STK17A: variants seen among roughly 807,000 people sequenced by gnomAD.
STK17A encodes the protein serine/threonine kinase 17a, also known as serine/threonine-protein kinase 17A.
STK17A carries 26 observed loss-of-function variants against 43.7 expected under a neutral mutation model. That is an observed-to-expected ratio of 0.60 (90% CI 0.44 to 0.83). The LOEUF is 0.83. STK17A is among the 40% of genes least tolerant of loss of function. STK17A has a pLI of 0.00. For synonymous variants in STK17A, 191 were observed against 182.5 expected (o/e 1.05, Z -0.38); for missense variants, 476 against 511.6 (o/e 0.93, Z 0.67).
intron 1 of STK17A, among the ~76,000 whole-genome samples, chr7:43,592,576 A>G (rs2082486998): frequency 2.6e-5 from 4 of 151,870 alleles, no homozygotes; most frequent in Non-Finnish European, 4.4e-5. Flanking sequence ...CAGGCCAGGC[A>G]TGGTGGCTCA....
intron 2 of STK17A, among the ~76,000 whole-genome samples, chr7:43,604,316 C>G (rs1351221687): frequency 6.6e-6 from 1 of 152,074 alleles, no homozygotes; most frequent in Non-Finnish European, 1.5e-5. Flanking sequence ...TACTGTGCTC[C>G]TTTACTCTGC....
chr7:43,616,512 C>T (rs2083359734), intron 3 of STK17A, among the ~76,000 whole-genome samples: 2 of 152,134 alleles, frequency 1.3e-5, no homozygotes, highest in African/African-American at 4.8e-5. Flanking sequence ...TCTTCCCGTT[C>T]TCTGAATTCA....
intron 2 of STK17A, among the ~76,000 whole-genome samples, chr7:43,596,988 A>G (rs1003723843): frequency 6.6e-6 from 1 of 152,130 alleles, no homozygotes; most frequent in Non-Finnish European, 1.5e-5. Flanking sequence ...CATAACAAAG[A>G]CCCTGTCTCT....
intron 1 of STK17A, 36 bp downstream of exon 1, chr7:43,583,485 G>T (rs1245095827): frequency 1.6e-6 from 2 of 1,265,214 alleles, no homozygotes; most frequent in South Asian, 2.9e-5. Flanking sequence ...GAACCTTCCC[G>T]GACGCGCGGG....
intron 3 of STK17A, among the ~76,000 whole-genome samples, chr7:43,613,478 G>A (rs779232890): frequency 1.3e-5 from 2 of 152,094 alleles, no homozygotes; most frequent in Admixed American, 6.5e-5. Context: ...AATCCCCACT[G>A]ATACCATGGG....
At chr7:43,621,013 A>T (rs1379046878) in intron 4 of STK17A, among the ~76,000 whole-genome samples, 2 of 152,200 alleles carry the variant, frequency 1.3e-5, no homozygotes, top group Non-Finnish European at 2.9e-5. Context: ...AGAAGAGGGT[A>T]AAAGGAGTGT....
chr7:43,612,110 T>C (rs1260048211), intron 3 of STK17A, among the ~76,000 whole-genome samples: 1 of 152,266 alleles, frequency 6.6e-6, no homozygotes, highest in Non-Finnish European at 1.5e-5. Flanking sequence ...TGGTTTAGAA[T>C]TCTTTCCAGA....
At chr7:43,596,257 T>A in intron 2 of STK17A, 144 bp downstream of exon 2, 1 of 639,798 alleles carries the variant, frequency 1.6e-6, no homozygotes, top group Non-Finnish European at 2.4e-6. Flanking sequence ...TTCCTCTTAT[T>A]AATATAACAT....
Position 43,623,617 on chromosome 7 carries a change from T to G in STK17A, c.737T>G (p.Met246Arg), listed in dbSNP as rs144785063. 6.2e-7 allele frequency: 1 copy of G among 1,611,288 alleles called. No homozygotes were observed. Among genetic ancestry groups the G allele is most frequent in the Non-Finnish European group, 8.5e-7 (1 of 1,178,914 alleles). Residue 246 changes from methionine (M) to arginine (R), a missense_variant, in exon 5 of 7, where the codon ATG (methionine) becomes AGG (arginine). Coordinates refer to ENST00000319357, the MANE Select transcript of STK17A (RefSeq NM_004760.3). ...GATCCTATAAGCATGGCAACAGATA[T>G]GTGGTAAGAGTTATTAATGAAAAAT... ...SYDPISMATD[M>R]WSIGVLTYVM... is the part of the protein sequence containing the mutation.
intron 1 of STK17A, among the ~76,000 whole-genome samples, chr7:43,589,360 C>A (rs2082464206): frequency 6.6e-6 from 1 of 151,310 alleles, no homozygotes; most frequent in Non-Finnish European, 1.5e-5. Flanking sequence ...ATAAACAAAG[C>A]ACTTTAACCT....
intron 1 of STK17A, among the ~76,000 whole-genome samples, chr7:43,583,885 T>G (rs78446798): frequency 6.6e-6 from 1 of 152,192 alleles, no homozygotes; most frequent in Non-Finnish European, 1.5e-5. Context: ...TTTAATAAAA[T>G]ACAGCATCCG....
chr7:43,605,420 A>C (rs913343486), intron 2 of STK17A, among the ~76,000 whole-genome samples: 1 of 152,172 alleles, frequency 6.6e-6, no homozygotes, highest in African/African-American at 2.4e-5. Flanking sequence ...CAGTGTTTAG[A>C]GTGGCTTTTC....
chr7:43,621,594 A>C (rs2083895738), intron 4 of STK17A, among the ~76,000 whole-genome samples: 1 of 152,106 alleles, frequency 6.6e-6, no homozygotes, highest in Non-Finnish European at 1.5e-5. Context: ...CAGCCTCCCG[A>C]GTAGCTGGGA....
intron 1 of STK17A, among the ~76,000 whole-genome samples, chr7:43,584,036 C>A (rs891994928): frequency 3.9e-5 from 6 of 152,124 alleles, no homozygotes; most frequent in African/African-American, 1.4e-4. Flanking sequence ...AGATTGGTTT[C>A]TTTCGTGGGC....
intron 2 of STK17A, among the ~76,000 whole-genome samples, chr7:43,602,340 C>T (rs771090352): frequency 2.0e-5 from 3 of 152,126 alleles, no homozygotes; most frequent in Admixed American, 6.5e-5. Flanking sequence ...TACTGCTATA[C>T]TTGTTAAAAG....
intron 1 of STK17A, among the ~76,000 whole-genome samples, chr7:43,590,557 C>G (rs900260594): frequency 5.3e-5 from 8 of 151,304 alleles, no homozygotes; most frequent in Admixed American, 1.3e-4. Context: ...TTAATGAAAA[C>G]CTAAGTTCTC....
At chr7:43,603,258 A>G (rs2082567207) in intron 2 of STK17A, among the ~76,000 whole-genome samples, 1 of 152,196 alleles carries the variant, frequency 6.6e-6, no homozygotes, top group Non-Finnish European at 1.5e-5. Flanking sequence ...GAATTGGCCA[A>G]AAATTTTTAT....
intron 1 of STK17A, among the ~76,000 whole-genome samples, chr7:43,594,974 T>A (rs2082505326): frequency 6.6e-6 from 1 of 151,584 alleles, no homozygotes; most frequent in Non-Finnish European, 1.5e-5. Flanking sequence ...ACTTATAGGG[T>A]TCAAGCCCAC....
At chr7:43,597,458 G>A (rs183663194) in intron 2 of STK17A, among the ~76,000 whole-genome samples, 8 of 151,714 alleles carry the variant, frequency 5.3e-5, no homozygotes, top group South Asian at 2.1e-4. Context: ...GCACAATCTC[G>A]GCTTACTGCA....
Sources: allele counts gnomAD v4.1 joint callset (sites outside exome capture counted in the v4.1 genomes callset), GRCh38; gene constraint gnomAD v4.1.1; transcripts MANE v1.5; gene names NCBI Gene and HGNC (gene_info 2026-07-23, HGNC 2026-07-21).